The following PPWD1 variants were observed in gnomAD, a reference collection of about 807,000 sequenced individuals.
PPWD1 encodes peptidylprolyl isomerase domain and WD repeat-containing protein 1.
In PPWD1, 43 loss-of-function variants were observed where a neutral mutation model predicts 68.8. The ratio of observed to expected loss-of-function variants is 0.62; its 90% confidence interval spans 0.49 to 0.81. The LOEUF (loss-of-function observed/expected upper bound fraction) is 0.81, where lower values mean the gene tolerates loss of function less well. Ranked by LOEUF, PPWD1 falls within the 30% of genes least tolerant of loss-of-function variation. The pLI, the probability that PPWD1 is intolerant of heterozygous loss-of-function variation, is 0.00. For missense variants in PPWD1, 672 were observed against 804.8 expected (o/e 0.83, Z 2.00); for synonymous variants, 232 against 258.7 (o/e 0.90, Z 0.99).
Position 65,577,044 on chromosome 5 carries a change from A to G in PPWD1, c.1135A>G (p.Lys379Glu), listed in dbSNP as rs1272637372. The change falls in exon 6 of 11, where the codon AAA (lysine) becomes GAA (glutamate). Residue 379 changes from lysine (K) to glutamate (E), a missense_variant. Coordinates refer to ENST00000261308, the MANE Select transcript of PPWD1 (RefSeq NM_015342.4). ...FVLYGTMLGI[K>E]VINVETNRCV... Reference sequence around the variant, plus strand: ...GCTGTATGGAACAATGCTGGGCATTAAAGTTATAAATGTAGAGACAAACCG... The same window carrying G: ...GCTGTATGGAACAATGCTGGGCATTGAAGTTATAAATGTAGAGACAAACCG... 6.2e-7 allele frequency: 1 copy of G among 1,613,240 alleles called. No homozygotes were observed. The highest frequency in any genetic ancestry group is 1.7e-5 in the Admixed American group (1 of 59,968).
intron 5 of PPWD1, among the ~76,000 whole-genome samples, chr5:65,572,618 CCTATGACTACTT>C (rs770737841): frequency 9.9e-5 from 15 of 152,172 alleles, no homozygotes; most frequent in Non-Finnish European, 1.5e-4. Flanking sequence ...CACTCCTGTC[CCTATGACTACTT>C]CTAAATTTAC....
intron 6 of PPWD1, among the ~76,000 whole-genome samples, chr5:65,577,739 G>T (rs991697314): frequency 6.6e-6 from 1 of 151,980 alleles, no homozygotes; most frequent in Non-Finnish European, 1.5e-5. Context: ...TTACTTTTTT[G>T]AACAGTTTTA....
At chr5:65,564,959 A>T (rs1159411065) in intron 1 of PPWD1, among the ~76,000 whole-genome samples, 1 of 152,174 alleles carries the variant, frequency 6.6e-6, no homozygotes, top group African/African-American at 2.4e-5. Flanking sequence ...CATAACTCTG[A>T]GGTAGTTATA....
chr5:65,579,542 C>A lies in PPWD1; in HGVS notation c.1279C>A (p.Pro427Thr). ...TTIEMKASEN[P>T]VLQNIQADPT... Reference sequence around the variant, plus strand: ...TATAGAAATGAAAGCTTCTGAAAATCCTGTTCTTCAGAATATTCAAGCTGA... The same window carrying A: ...TATAGAAATGAAAGCTTCTGAAAATACTGTTCTTCAGAATATTCAAGCTGA... Residue 427 changes from proline (P) to threonine (T), a missense_variant, in exon 7 of 11, where the codon CCT becomes ACT. By Grantham distance (38) the Pro-to-Thr change is conservative. Transcript: ENST00000261308. The A allele has an allele frequency of 6.2e-7, 1 of 1,610,278 alleles. No homozygotes were observed. Among genetic ancestry groups the A allele is most frequent in the Non-Finnish European group, 8.5e-7 (1 of 1,178,694 alleles).
At chr5:65,586,965 G>A (rs1345487215) in intron 10 of PPWD1, among the ~76,000 whole-genome samples, 1 of 152,136 alleles carries the variant, frequency 6.6e-6, no homozygotes, top group African/African-American at 2.4e-5. Context: ...CCACAATTCT[G>A]TAAGCCATGT....
chr5:65,563,783 C>G (rs1403731333), intron 1 of PPWD1: 14 of 1,491,762 alleles, frequency 9.4e-6, no homozygotes, highest in Non-Finnish European at 1.1e-5. Flanking sequence ...TGTTTGGCTC[C>G]TCTCATTTAC....
Position 65,587,319 on chromosome 5 carries a change from A to T in PPWD1, c.1864A>T (p.Ile622Phe). 1 of 1,612,826 alleles carries T rather than the reference A, an allele frequency of 6.2e-7. No homozygotes were observed. The highest frequency in any genetic ancestry group is 8.5e-7 in the Non-Finnish European group (1 of 1,179,110). ...TAAAGGAATGGAAGTTGTACAGAGG[A>T]TCTCCAACGTCAAAGTCAATCCCAA... The part of the protein sequence containing the change: ...VTKGMEVVQR[I>F]SNVKVNPKTD... Residue 622 changes from isoleucine (I) to phenylalanine (F), a missense_variant, in exon 11 of 11, where the codon ATC becomes TTC. By Grantham distance (21) the Ile-to-Phe change is conservative. Transcript: ENST00000261308.
At position 65,571,814 on chromosome 5, in the gene PPWD1, C is replaced by T. The variant is rs1369299174; in HGVS notation, c.522-25C>T. 16 of 1,583,984 alleles carry T rather than the reference C, an allele frequency of 1.0e-5. No homozygotes were observed. The Admixed American group carries it at 1.5e-4, about 15-fold the overall frequency. ...GCTTGTTGTGCTGACCTTTTTTTTT[C>T]CCTCTCAATTCTTTACGATTTTAGC... On this transcript the variant is annotated intron_variant, in intron 4 of 10. Coordinates refer to ENST00000261308, the MANE Select transcript of PPWD1 (RefSeq NM_015342.4).
Position 65,563,317 on chromosome 5 carries a change from G to A in PPWD1, c.7G>A (p.Ala3Thr). The change falls in exon 1 of 11, where the codon GCG becomes ACG. Residue 3 changes from alanine to threonine, a missense_variant. Transcript: ENST00000261308. ...TTCTGACGATGCGAACAACATGGCG[G>A]CGGAAAGTGGTAGCGATTTTCAGCA... MA[A>T]ESGSDFQQRR... 1 of 1,612,912 alleles carries A rather than the reference G, an allele frequency of 6.2e-7. No homozygotes were observed. Among genetic ancestry groups the A allele is most frequent in the Non-Finnish European group, 8.5e-7 (1 of 1,179,488 alleles).
At chr5:65,564,013 A>C in intron 1 of PPWD1, 1 of 642,458 alleles carries the variant, frequency 1.6e-6, no homozygotes, top group Non-Finnish European at 2.7e-6. Context: ...AAAATGACGT[A>C]AGCTTCCTAG....
chr5:65,578,988 G>A (rs114625836), intron 6 of PPWD1, among the ~76,000 whole-genome samples: 2,098 of 151,608 alleles, frequency 0.014, 51 homozygotes, highest in African/African-American at 0.048. Context: ...GCACGATCTC[G>A]GCTCACAACC....
In PPWD1 at chr5:65,587,434, C is replaced by T. The variant is rs1275981887; in HGVS notation, c.*38C>T. 1 of 1,463,934 alleles carries T rather than the reference C, an allele frequency of 6.8e-7. No homozygotes were observed. Among genetic ancestry groups the T allele is most frequent in the Non-Finnish European group, 9.4e-7 (1 of 1,068,430 alleles). The allele number at this position is 1,463,934 out of a possible 1,614,324, so 90.7% of individuals were successfully genotyped here. A position where few individuals can be genotyped will look rare whatever the true frequency, so the allele number is the denominator to read the frequency against. On this transcript the variant is annotated 3_prime_UTR_variant, in exon 11 of 11. Coordinates refer to ENST00000261308, the MANE Select transcript of PPWD1 (RefSeq NM_015342.4). The stretch of plus-strand genomic sequence containing the variant: ...TTTAATGTACTTGCAAATAAAAATA[C>T]AATATTAAACAGATTATTTTACATT...
Position 65,569,932 on chromosome 5 carries a change from GTGA to G in PPWD1, c.460_462del (p.Asp154del). ...GAGGGAGCATTGTTCTGTTCTGTGG[GTGA>G]TGATAAAGCAATGAAGGTGTTTGAT... On this transcript the variant is annotated inframe_deletion, in exon 4 of 11. Coordinates refer to ENST00000261308, the MANE Select transcript of PPWD1 (RefSeq NM_015342.4). 6.2e-7 allele frequency: 1 copy of G among 1,612,442 alleles called. No homozygotes were observed. Among genetic ancestry groups the G allele is most frequent in the African/African-American group, 1.3e-5 (1 of 74,972 alleles).
Position 65,583,073 on chromosome 5 carries a change from A to C in PPWD1, c.1386A>C (p.Ala462=). 1 of 1,609,048 alleles carries C rather than the reference A, an allele frequency of 6.2e-7. No individual in the cohort carries two copies. The highest frequency in any genetic ancestry group is 1.7e-5 in the Admixed American group (1 of 58,726). ...TKREPEDTKS[A]DSDRDVFNEK... is the part of the protein sequence containing the mutation. Reference sequence around the variant, plus strand: ...GAGAACCAGAAGATACGAAAAGTGCAGATTCTGATCGAGATGTTTTTAATG... The same window carrying C: ...GAGAACCAGAAGATACGAAAAGTGCCGATTCTGATCGAGATGTTTTTAATG... The change falls in exon 8 of 11, where the codon GCA becomes GCC. Residue 462 remains alanine, a synonymous_variant. Coordinates refer to ENST00000261308, the MANE Select transcript of PPWD1 (RefSeq NM_015342.4).
rs201688187 is a variant in PPWD1, at chr5:65,586,057, G to A, written c.1673G>A (p.Trp558Ter). ...ACTGGTATGGGAGGAGAAAGCATATGGGGAGGAGAATTTGAAGATGAATTT... is the reference window on the plus strand; with the variant it reads ...ACTGGTATGGGAGGAGAAAGCATATAGGGAGGAGAATTTGAAGATGAATTT... ...TGTGMGGESI[W>*]GGEFEDEFHS... is the part of the protein sequence containing the mutation. The change falls in exon 10 of 11, where the codon TGG becomes TAG. Residue 558 changes from tryptophan to a stop codon, truncating the protein, a stop_gained. Coordinates refer to ENST00000261308, the MANE Select transcript of PPWD1 (RefSeq NM_015342.4). LOFTEE classifies it high-confidence loss of function. 2.5e-6 allele frequency: 4 copies of A among 1,613,668 alleles called. No homozygotes were observed. The highest frequency in any genetic ancestry group is 3.4e-6 in the Non-Finnish European group (4 of 1,179,668).
chr5:65,566,051 T>G (rs1300219904), intron 1 of PPWD1, among the ~76,000 whole-genome samples: 5 of 152,200 alleles, frequency 3.3e-5, no homozygotes, highest in Non-Finnish European at 5.9e-5. Flanking sequence ...ACAGGAACTG[T>G]GTTTTACTCT....
rs1472296263 is a variant in PPWD1 at position 65,574,621 on chromosome 5, G to A, written c.970-2258G>A. Among the ~76,000 whole-genome samples, 4 of 151,230 alleles carry A rather than the reference G, an allele frequency of 2.6e-5. No individual in the cohort carries two copies. In the South Asian group the frequency reaches 6.3e-4, roughly 24 times the overall value. On this transcript the variant is annotated intron_variant, in intron 5 of 10. Transcript: ENST00000261308. ...TGGGACTACAGGCGCCCGCCACTGC[G>A]CCCGGCTAATTTTTTGTATTTTTAG...
intron 9 of PPWD1, 97 bp downstream of exon 9, chr5:65,585,192 G>T: frequency 8.2e-7 from 1 of 1,225,496 alleles, no homozygotes; most frequent in South Asian, 1.5e-5. Context: ...CACTTAATCA[G>T]TTTAGTGGAA....
intron 1 of PPWD1, among the ~76,000 whole-genome samples, chr5:65,565,905 T>G (rs1752730911): frequency 6.6e-6 from 1 of 152,176 alleles, no homozygotes; most frequent in South Asian, 2.1e-4. Flanking sequence ...ATTTAAAATT[T>G]TGTCTAAATG....
Sources: gnomAD v4.1 joint callset for allele counts (sites outside exome capture counted in the v4.1 genomes callset) on GRCh38, gnomAD v4.1.1 for gene constraint, MANE v1.5 for transcripts, NCBI Gene and HGNC (gene_info 2026-07-23, HGNC 2026-07-21) for gene names.